Variants in NEK5 observed in about 807,000 individuals in gnomAD.
NEK5 encodes the protein serine/threonine-protein kinase Nek5.
Under a neutral mutation model 109.2 loss-of-function variants are expected in NEK5, and 88 were observed. The ratio of observed to expected loss-of-function variants is 0.81; its 90% CI spans 0.68 to 0.96. NEK5 has a LOEUF of 0.96. Among genes scored for constraint, NEK5 ranks in the 40% least tolerant of loss-of-function variants. NEK5 has a pLI of 0.00. For missense variants in NEK5, 834 were observed against 920.7 expected (o/e 0.91, Z 1.22); for synonymous variants, 283 against 299.9 (o/e 0.94, Z 0.58).
chr13:52,118,106 G>A (rs375690801), intron 4 of NEK5, among the ~76,000 whole-genome samples: 1 of 152,158 alleles, frequency 6.6e-6, no homozygotes, highest in Non-Finnish European at 1.5e-5. Context: ...GAAGTACCTT[G>A]AATGTAGCGG....
At chr13:52,071,872 T>A (rs1294066031) in intron 20 of NEK5, 72 bp downstream of exon 20, 1 of 1,372,166 alleles carries the variant, frequency 7.3e-7, no homozygotes, top group African/African-American at 1.4e-5. Context: ...GGCAGATGCA[T>A]GGGGACAGAG....
At chr13:52,059,792 TG>T (rs1954594907) in intron 22 of NEK5, among the ~76,000 whole-genome samples, 1 of 100,096 alleles carries the variant, frequency 1.0e-5, no homozygotes, top group Non-Finnish European at 2.0e-5. Context: ...CATCACACTC[TG>T]GGGCCTGTTG....
At chr13:52,110,190 C>G in intron 7 of NEK5, 150 bp downstream of exon 7, 1 of 603,058 alleles carries the variant, frequency 1.7e-6, no homozygotes, top group South Asian at 2.0e-5. Flanking sequence ...ATTTTAATCT[C>G]AAAGTACCAT....
At chr13:52,090,213 C>CT (rs1038735940) in intron 13 of NEK5, among the ~76,000 whole-genome samples, 7 of 152,024 alleles carry the variant, frequency 4.6e-5, no homozygotes, top group South Asian at 2.1e-4. Context: ...TTTTATGTAT[C>CT]TTTTTTTTGG....
chr13:52,052,230 A>C (rs1397886643), intron 22 of NEK5, among the ~76,000 whole-genome samples: 1 of 152,120 alleles, frequency 6.6e-6, no homozygotes, highest in African/African-American at 2.4e-5. Context: ...CCTTGGACAC[A>C]TGTCATCAGG....
chr13:52,050,153 T>G lies in NEK5; in HGVS notation c.2179A>C (p.Ile727Leu). Residue 727 changes from isoleucine to leucine, a missense_variant, in exon 23 of 24, where the codon ATT (isoleucine) becomes CTT (leucine). This residue lies in a region of NEK5 where 57 missense variants were observed against 96.0 expected (regional missense o/e 0.59). Coordinates refer to ENST00000684899, the MANE Select transcript of NEK5 (RefSeq NM_001365552.1). ...TCTAGTTGTTCCTCATCTACTTCAA[T>G]GCCAGAGACCATTTCTACCTTCCCT... is the stretch of plus-strand genomic sequence containing the variant. ...DEGKVEMVSG[I>L]EVDEEQLEPR... 1.0e-6 allele frequency: 1 copy of G among 985,850 alleles called. No homozygotes were observed. Among genetic ancestry groups the G allele is most frequent in the Non-Finnish European group, 1.2e-6 (1 of 829,886 alleles). The allele number at this position is 985,850 out of a possible 1,614,324, so 61.1% of individuals were successfully genotyped here. A position where few individuals can be genotyped will look rare whatever the true frequency, so the allele number is the denominator to read the frequency against.
chr13:52,104,483 A>C lies in NEK5; in HGVS notation c.609+15T>G. On this transcript the variant is annotated intron_variant, in intron 9 of 23. Coordinates refer to ENST00000684899, the MANE Select transcript of NEK5 (RefSeq NM_001365552.1). ...TCCAATAATTCAAGATTAGTCTGAC[A>C]ATGAGCATACTTACAGGATGTTTAA... 6.4e-7 allele frequency: 1 copy of C among 1,556,070 alleles called. No individual in the cohort carries two copies. The highest frequency in any genetic ancestry group is 8.9e-7 in the Non-Finnish European group (1 of 1,127,682).
intron 17 of NEK5, among the ~76,000 whole-genome samples, chr13:52,082,515 G>A (rs1334094784): frequency 6.6e-6 from 1 of 152,132 alleles, no homozygotes; most frequent in Non-Finnish European, 1.5e-5. Flanking sequence ...ATAATTCTCA[G>A]AATTGGTTGA....
At chr13:52,105,242 T>A (rs1399253317) in intron 8 of NEK5, among the ~76,000 whole-genome samples, 7 of 53,200 alleles carry the variant, frequency 1.3e-4, no homozygotes, top group Non-Finnish European at 4.8e-4. Context: ...TGCATGAGTG[T>A]GTGTGTGTGT....
At chr13:52,079,051 G>A (rs1269461204) in intron 17 of NEK5, among the ~76,000 whole-genome samples, 1 of 152,112 alleles carries the variant, frequency 6.6e-6, no homozygotes, top group African/African-American at 2.4e-5. Flanking sequence ...GACACAGGCT[G>A]GTGTATGAAG....
At chr13:52,070,482 T>C (rs1470259755) in intron 20 of NEK5, among the ~76,000 whole-genome samples, 1 of 152,200 alleles carries the variant, frequency 6.6e-6, no homozygotes, top group African/African-American at 2.4e-5. Flanking sequence ...ATCTTTCCCA[T>C]GCTGTTCTCG....
chr13:52,091,110 C>T (rs1955274007), intron 13 of NEK5, among the ~76,000 whole-genome samples: 1 of 151,966 alleles, frequency 6.6e-6, no homozygotes, highest in Non-Finnish European at 1.5e-5. Context: ...AGGGAGTATA[C>T]AAAGAGGAGG....
intron 5 of NEK5, among the ~76,000 whole-genome samples, chr13:52,111,612 T>C (rs1199945998): frequency 6.6e-6 from 1 of 152,196 alleles, no homozygotes; most frequent in African/African-American, 2.4e-5. Flanking sequence ...GGGCCTTTCC[T>C]GTGTGCTTCT....
chr13:52,040,192 C>G, intron 23 of NEK5, among the ~76,000 whole-genome samples: 1 of 150,864 alleles, frequency 6.6e-6, no homozygotes. Context: ...TCAAATGATT[C>G]TCCCGCCTCT....
At chr13:52,125,554 C>T (rs1484424150) in intron 3 of NEK5, among the ~76,000 whole-genome samples, 2 of 152,190 alleles carry the variant, frequency 1.3e-5, no homozygotes, top group Non-Finnish European at 2.9e-5. Flanking sequence ...CAGAGCGAGA[C>T]TCCACCTCAA....
rs1007543232 is a variant in NEK5 at position 52,128,975 on chromosome 13, C to G, written c.-91+54G>C. Reference sequence around the variant, plus strand: ...CCTTTCCCCCACCCTGCCGAGCTCCCGAAGCCCTGTGGCGGCTCCGGGCAA... The same window carrying G: ...CCTTTCCCCCACCCTGCCGAGCTCCGGAAGCCCTGTGGCGGCTCCGGGCAA... On this transcript the variant is annotated intron_variant, in intron 1 of 23. Transcript: ENST00000684899. 6 of 152,506 alleles carry G rather than the reference C, an allele frequency of 3.9e-5. No homozygotes were observed. In the East Asian group the frequency reaches 7.8e-4, roughly 20 times the overall value. 9.4% of individuals were successfully genotyped at this position (152,506 alleles called of 1,614,324 possible).
chr13:52,077,462 G>A (rs1450576142), intron 17 of NEK5, among the ~76,000 whole-genome samples: 3 of 152,188 alleles, frequency 2.0e-5, no homozygotes, highest in Admixed American at 6.5e-5. Context: ...GCAAGCCATG[G>A]TGCGGGGATG....
intron 7 of NEK5, 106 bp downstream of exon 7, chr13:52,110,234 A>G (rs2138059953): frequency 2.7e-6 from 2 of 735,388 alleles, no homozygotes; most frequent in African/African-American, 3.6e-5. Flanking sequence ...GCTACCTAAA[A>G]TTATTTAGAC....
chr13:52,099,174 C>T (rs566958476), intron 12 of NEK5, among the ~76,000 whole-genome samples: 1 of 152,104 alleles, frequency 6.6e-6, no homozygotes, highest in South Asian at 2.1e-4. Context: ...TCTCATATAC[C>T]CCATAAATAT....
Sources: gnomAD v4.1 joint callset for allele counts (sites outside exome capture counted in the v4.1 genomes callset) on GRCh38, gnomAD v4.1.1 for gene constraint, gnomAD v4.1.1 regional missense constraint, MANE v1.5 for transcripts, NCBI Gene and HGNC (gene_info 2026-07-23, HGNC 2026-07-21) for gene names.